ACADL: variants seen among roughly 807,000 people sequenced by gnomAD.
The protein encoded by ACADL is long-chain specific acyl-CoA dehydrogenase, mitochondrial.
Under a neutral mutation model 56.9 loss-of-function variants are expected in ACADL, and 60 were observed. The observed-to-expected ratio is 1.05, with a 90% CI of 0.86 to 1.31. The LOEUF (loss-of-function observed/expected upper bound fraction) is 1.31, where lower values mean the gene tolerates loss of function less well. Ranked by LOEUF, ACADL falls within the 50% of genes most tolerant of loss-of-function variation. The pLI is 0.00. For synonymous variants in ACADL, 158 were observed against 179.7 expected, an observed-to-expected ratio of 0.88 and a Z score of 0.97; for missense variants, 484 against 525.5, an observed-to-expected ratio of 0.92 and a Z score of 0.77.
Position 210,187,994 on chromosome 2 carries a change from GA to G in ACADL, c.*966del, listed in dbSNP as rs1265594610. The stretch of plus-strand genomic sequence containing the variant: ...AATCAAATGTCATTTCCTCACTTTT[GA>G]ATTTTAAATGCTTACTTTATTATTT... On this transcript the variant is annotated 3_prime_UTR_variant, in exon 11 of 11. Coordinates refer to ENST00000233710, the MANE Select transcript of ACADL (RefSeq NM_001608.4). The G allele has an allele frequency of 3.9e-5, 6 of 151,990 alleles. No individual in the cohort carries two copies. Among genetic ancestry groups the G allele is most frequent in the South Asian group, 2.1e-4 (1 of 4,806 alleles). 9.4% of individuals were successfully genotyped at this position (151,990 alleles called of 1,614,324 possible).
intron 6 of ACADL, among the ~76,000 whole-genome samples, chr2:210,205,317 T>G (rs1688865540): frequency 6.6e-6 from 1 of 152,158 alleles, no homozygotes. Flanking sequence ...TGAGCCACTG[T>G]GCCTGGCCAC....
At chr2:210,225,127 T>G (rs959649308) in intron 1 of ACADL, 60 bp downstream of exon 1, 60 of 1,525,838 alleles carry the variant, frequency 3.9e-5, no homozygotes, top group Middle Eastern at 2.3e-4. Flanking sequence ...CAGGAGTGAC[T>G]CGCTGCCCCA....
In ACADL at chr2:210,203,392, T is replaced by G. The variant is rs1688829965; in HGVS notation, c.923A>C (p.Glu308Ala). The G allele has an allele frequency of 6.2e-7, 1 of 1,613,482 alleles. No individual in the cohort carries two copies. The highest frequency in any genetic ancestry group is 8.5e-7 in the Non-Finnish European group (1 of 1,179,782). ...TTGTTTAACATAGTTCCTGGTTTCT[T>G]CAAACATGAATTCACTAGCTGAAAT... Reference protein sequence around the residue: ...VAISASEFMFEETRNYVKQRK... With the variant: ...VAISASEFMFAETRNYVKQRK... Residue 308 changes from glutamate to alanine, a missense_variant, in exon 8 of 11, where the codon GAA (glutamate) becomes GCA (alanine). Coordinates refer to ENST00000233710, the MANE Select transcript of ACADL (RefSeq NM_001608.4).
At chr2:210,214,524 A>G (rs188032014) in intron 4 of ACADL, among the ~76,000 whole-genome samples, 42 of 151,976 alleles carry the variant, frequency 2.8e-4, no homozygotes, top group African/African-American at 9.4e-4. Context: ...AAAGAAAGAA[A>G]GAAAGAAATC....
At chr2:210,217,376 C>T (rs1017416829) in intron 3 of ACADL, 5 of 152,294 alleles carry the variant, frequency 3.3e-5, no homozygotes, top group African/African-American at 9.7e-5. Flanking sequence ...TTTATAATGC[C>T]ACCAATAGTG....
chr2:210,223,312 G>A (rs1689207479), intron 1 of ACADL, among the ~76,000 whole-genome samples: 1 of 152,072 alleles, frequency 6.6e-6, no homozygotes, highest in South Asian at 2.1e-4. Flanking sequence ...TTTCTCTAAG[G>A]CAATAAACTG....
chr2:210,215,978 C>T (rs1689079388), intron 4 of ACADL, among the ~76,000 whole-genome samples: 1 of 152,118 alleles, frequency 6.6e-6, no homozygotes, highest in African/African-American at 2.4e-5. Flanking sequence ...CCTATTGTAT[C>T]AACTCTTATA....
rs1446317973 is a variant in ACADL at position 210,225,337 on chromosome 2, G to A, written c.-74C>T. ...TCGGCGACTCGGGGCAGGGTCCCCG[G>A]GAGGGAGGACGATCAGCTGAGGCGT... On this transcript the variant is annotated 5_prime_UTR_variant, in exon 1 of 11. Coordinates refer to ENST00000233710, the MANE Select transcript of ACADL (RefSeq NM_001608.4). 4 of 1,476,328 alleles carry A rather than the reference G, an allele frequency of 2.7e-6. No individual in the cohort carries two copies. Among genetic ancestry groups the A allele is most frequent in the Admixed American group, 4.0e-5 (2 of 49,698 alleles). The allele number at this position is 1,476,328 out of a possible 1,614,324, so 91.5% of individuals were successfully genotyped here.
intron 4 of ACADL, among the ~76,000 whole-genome samples, chr2:210,212,452 G>A (rs1278698408): frequency 6.6e-6 from 1 of 152,038 alleles, no homozygotes; most frequent in Admixed American, 6.6e-5. Flanking sequence ...AAATAGAAGA[G>A]GAAAGGAGTG....
At chr2:210,193,007 A>G (rs1370225211) in intron 9 of ACADL, 117 bp from the exon 10 acceptor site, 1 of 754,226 alleles carries the variant, frequency 1.3e-6, no homozygotes, top group East Asian at 2.7e-5. Context: ...TTATTAAGCA[A>G]TTAGAACGGC....
At position 210,205,805 on chromosome 2, in the gene ACADL, C is replaced by T. The variant is rs757538140; in HGVS notation, c.604-9G>A. 4.3e-6 allele frequency: 7 copies of T among 1,613,784 alleles called. No homozygotes were observed. Among genetic ancestry groups the T allele is most frequent in the East Asian group, 2.2e-5 (1 of 44,858 alleles). The stretch of plus-strand genomic sequence containing the variant: ...CCATTACTGATGAACACCTGCAAAA[C>T]CCCAAGTACATTATTAATGCACCAT... On this transcript the variant is annotated splice_polypyrimidine_tract_variant and intron_variant, in intron 5 of 10. Coordinates refer to ENST00000233710, the MANE Select transcript of ACADL (RefSeq NM_001608.4).
intron 10 of ACADL, among the ~76,000 whole-genome samples, chr2:210,192,383 T>A (rs1340915562): frequency 6.6e-6 from 1 of 151,952 alleles, no homozygotes; most frequent in East Asian, 1.9e-4. Context: ...CCAGCTACTC[T>A]GGAGACTGAG....
At chr2:210,206,508 T>G (rs1688890445) in intron 5 of ACADL, among the ~76,000 whole-genome samples, 1 of 152,058 alleles carries the variant, frequency 6.6e-6, no homozygotes, top group Non-Finnish European at 1.5e-5. Flanking sequence ...TTATTTATTC[T>G]CAGATTTATC....
At chr2:210,197,818 G>C (rs965043104) in intron 8 of ACADL, among the ~76,000 whole-genome samples, 1 of 152,138 alleles carries the variant, frequency 6.6e-6, no homozygotes, top group Non-Finnish European at 1.5e-5. Flanking sequence ...AACCAGAATG[G>C]AATGATTTAG....
chr2:210,223,367 C>G (rs1689208825), intron 1 of ACADL, among the ~76,000 whole-genome samples: 1 of 152,066 alleles, frequency 6.6e-6, no homozygotes, highest in South Asian at 2.1e-4. Flanking sequence ...TTTAAAGTCT[C>G]CTACATTTTA....
intron 5 of ACADL, among the ~76,000 whole-genome samples, chr2:210,207,873 T>C (rs1688914374): frequency 6.6e-6 from 1 of 152,212 alleles, no homozygotes; most frequent in Non-Finnish European, 1.5e-5. Flanking sequence ...CCTATTCATA[T>C]ATCTATCTTA....
intron 8 of ACADL, among the ~76,000 whole-genome samples, chr2:210,201,210 G>T (rs1688786567): frequency 6.6e-6 from 1 of 152,146 alleles, no homozygotes. Flanking sequence ...CAGGAGAACT[G>T]CTCGCAGGAC....
At chr2:210,206,473 A>G (rs1038951353) in intron 5 of ACADL, among the ~76,000 whole-genome samples, 5 of 152,044 alleles carry the variant, frequency 3.3e-5, no homozygotes, top group African/African-American at 4.8e-5. Context: ...AAAAAGAAAG[A>G]AAATCTGCTG....
At chr2:210,189,320 T>C (rs1199621633) in intron 10 of ACADL, among the ~76,000 whole-genome samples, 1 of 152,142 alleles carries the variant, frequency 6.6e-6, no homozygotes, top group African/African-American at 2.4e-5. Context: ...GTATGTTTCA[T>C]CTGATTTAAT....
Sources: gnomAD v4.1 joint callset for allele counts (sites outside exome capture counted in the v4.1 genomes callset) on GRCh38, gnomAD v4.1.1 for gene constraint, MANE v1.5 for transcripts, NCBI Gene and HGNC (gene_info 2026-07-23, HGNC 2026-07-21) for gene names.